MGST1: variants seen among roughly 807,000 people sequenced by gnomAD.
MGST1 encodes the protein glutathione S-transferase 12.
A neutral mutation model predicts 8.9 loss-of-function variants in MGST1; 5 were observed. The ratio of observed to expected loss-of-function variants is 0.56; its 90% confidence interval spans 0.29 to 1.19. The LOEUF (loss-of-function observed/expected upper bound fraction) is 1.19. MGST1 is among the 50% of genes most tolerant of loss of function. MGST1 has a pLI of 0.08. For missense variants in MGST1, 182 were observed against 187.4 expected (o/e 0.97, Z 0.17); for synonymous variants, 54 against 67.8 (o/e 0.80, Z 1.00).
At chr12:16,403,187 A>G (rs1940674489) in intron 1 of MGST1, among the ~76,000 whole-genome samples, 1 of 152,156 alleles carries the variant, frequency 6.6e-6, no homozygotes, top group Admixed American at 6.5e-5. Context: ...GATTTTTATT[A>G]TCCTGCATAT....
At chr12:16,465,660 C>A (rs1941248819) in intron 4 of MGST1, among the ~76,000 whole-genome samples, 2 of 152,164 alleles carry the variant, frequency 1.3e-5, no homozygotes, top group Non-Finnish European at 2.9e-5. Flanking sequence ...TTGTAGAAAA[C>A]AAGCTCACTG....
At chr12:16,522,309 A>G (rs1941653459) in intron 4 of MGST1, among the ~76,000 whole-genome samples, 2 of 152,112 alleles carry the variant, frequency 1.3e-5, no homozygotes, top group South Asian at 4.1e-4. Context: ...AGTTTTGAGC[A>G]TTGTTAAATC....
At chr12:16,432,657 C>T (rs996514020) in intron 1 of MGST1, among the ~76,000 whole-genome samples, 2 of 149,852 alleles carry the variant, frequency 1.3e-5, no homozygotes, top group Non-Finnish European at 3.0e-5. Flanking sequence ...TCCTCACTCG[C>T]AAATCTCTCC....
intron 1 of MGST1, among the ~76,000 whole-genome samples, chr12:16,392,595 C>T (rs1264294710): frequency 6.6e-6 from 1 of 152,142 alleles, no homozygotes; most frequent in East Asian, 1.9e-4. Flanking sequence ...ATCTCAACTC[C>T]AGTCCTTCAC....
intron 1 of MGST1, among the ~76,000 whole-genome samples, chr12:16,403,318 G>GT (rs1940675226): frequency 1.3e-5 from 2 of 151,746 alleles, no homozygotes; most frequent in Admixed American, 1.3e-4. Context: ...CTGCTTTATT[G>GT]TTTTTTTAAG....
chr12:16,522,560 GCAGCTTCATCTA>G (rs1298990073), intron 4 of MGST1, among the ~76,000 whole-genome samples: 1 of 151,964 alleles, frequency 6.6e-6, no homozygotes, highest in Admixed American at 6.6e-5. Context: ...ATTATCCCCA[GCAGCTTCATCTA>G]TTCTTCCTTG....
chr12:16,401,477 A>G lies in MGST1; in HGVS notation n.778+17873A>G, dbSNP rs1472922442. ...TCACATATCTTCACACCATGTCTTA[A>G]TTCCTTCAGCAGCTCTTCTTGAAGC... On this transcript the variant is annotated intron_variant and non_coding_transcript_variant, in intron 1 of 1. Transcript: ENST00000359720. This position sits in a 1 kb window ranked among gnomAD's most constrained non-coding sequence, Gnocchi z 4.3. 1 of 840,010 alleles carries G rather than the reference A, an allele frequency of 1.2e-6. No homozygotes were observed. Among genetic ancestry groups the G allele is most frequent in the Non-Finnish European group, 2.1e-6 (1 of 487,742 alleles). 52.0% of individuals were successfully genotyped at this position (840,010 alleles called of 1,614,324 possible). A position where few individuals can be genotyped will look rare whatever the true frequency, so the allele number is the denominator to read the frequency against.
intron 4 of MGST1, among the ~76,000 whole-genome samples, chr12:16,567,148 AT>A (rs1170811133): frequency 6.6e-6 from 1 of 152,138 alleles, no homozygotes. Context: ...GTGAGCTGAG[AT>A]CGTGCCATTG....
At chr12:16,579,015 T>C (rs761765375) in intron 4 of MGST1, among the ~76,000 whole-genome samples, 5 of 152,174 alleles carry the variant, frequency 3.3e-5, no homozygotes, top group Non-Finnish European at 5.9e-5. Flanking sequence ...TTGTACACAC[T>C]CTTGACAGAC....
chr12:16,475,563 G>T (rs959436814), intron 4 of MGST1, among the ~76,000 whole-genome samples: 15 of 152,136 alleles, frequency 9.9e-5, no homozygotes, highest in Middle Eastern at 3.2e-3. Flanking sequence ...GAAGTAGCAG[G>T]TTTATAGTTC....
chr12:16,525,913 C>T (rs1268189000), intron 4 of MGST1, among the ~76,000 whole-genome samples: 1 of 150,160 alleles, frequency 6.7e-6, no homozygotes, highest in African/African-American at 2.4e-5. Flanking sequence ...AGCATTTTCT[C>T]ATGTGTTTTT....
At chr12:16,572,339 C>CTTTTTTTTTTTTTTTTTTTTT (rs59773866) in intron 4 of MGST1, among the ~76,000 whole-genome samples, 3 of 89,530 alleles carry the variant, frequency 3.4e-5, no homozygotes, top group Non-Finnish European at 6.2e-5. Flanking sequence ...GGTCCAAACT[C>CTTTTTTTTTTTTTTTTTTTTT]TTTTTTTTTT....
intron 1 of MGST1, among the ~76,000 whole-genome samples, chr12:16,384,207 A>G (rs563856582): frequency 2.6e-5 from 4 of 152,258 alleles, no homozygotes; most frequent in Admixed American, 2.0e-4. Context: ...GATATGCCCC[A>G]TGTAATTGAT....
At chr12:16,454,685 T>A (rs1941156248) in intron 4 of MGST1, among the ~76,000 whole-genome samples, 1 of 151,592 alleles carries the variant, frequency 6.6e-6, no homozygotes, top group African/African-American at 2.4e-5. Context: ...TGTAGAAATG[T>A]AGAGGAAGAA....
chr12:16,521,392 T>C (rs1012713235), intron 4 of MGST1, among the ~76,000 whole-genome samples: 1 of 152,120 alleles, frequency 6.6e-6, no homozygotes, highest in Admixed American at 6.6e-5. Flanking sequence ...CACATAGGCA[T>C]TTACATTTTC....
In MGST1 at chr12:16,559,243, G is replaced by A. The variant is rs1319317931; in HGVS notation, n.483-30285G>A. 2.0e-5 allele frequency among the ~76,000 whole-genome samples: 3 copies of A among 152,038 alleles called. No individual in the cohort carries two copies. The highest frequency in any genetic ancestry group is 2.4e-5 in the African/African-American group (1 of 41,390). ...TTTTGAAATGTTGTATTTTTAATACGTACATTTTAATGTTCTAAAATCCTC... is the reference window on the plus strand; with the variant it reads ...TTTTGAAATGTTGTATTTTTAATACATACATTTTAATGTTCTAAAATCCTC... On this transcript the variant is annotated intron_variant and non_coding_transcript_variant, in intron 4 of 4. Transcript: ENST00000538857. The surrounding 1 kb of genome is among the most constrained non-coding windows in gnomAD (Gnocchi z 4.1).
chr12:16,394,438 C>G (rs1388076459), intron 1 of MGST1, among the ~76,000 whole-genome samples: 1 of 151,012 alleles, frequency 6.6e-6, no homozygotes, highest in Non-Finnish European at 1.5e-5. Context: ...CCCTCCCTCC[C>G]TCTCTCTTTC....
chr12:16,350,317 T>C (rs1359259329), intron 1 of MGST1, among the ~76,000 whole-genome samples: 2 of 152,234 alleles, frequency 1.3e-5, no homozygotes, highest in African/African-American at 2.4e-5. Context: ...CTTATTACCA[T>C]GCTGGCCAAT....
chr12:16,354,428 G>A, intron 2 of MGST1, 50 bp downstream of exon 2: 1 of 1,552,476 alleles, frequency 6.4e-7, no homozygotes, highest in Non-Finnish European at 8.7e-7. Flanking sequence ...TTGGAATTCT[G>A]GAGAGCAGTT....
Sources: allele counts gnomAD v4.1 joint callset (sites outside exome capture counted in the v4.1 genomes callset), GRCh38; gene constraint gnomAD v4.1.1; non-coding constraint Gnocchi (gnomAD v3.1); transcripts MANE v1.5; gene names NCBI Gene and HGNC (gene_info 2026-07-23, HGNC 2026-07-21).